MARCHF1: variants seen among roughly 807,000 people sequenced by gnomAD.
MARCHF1 encodes the protein membrane associated ring-CH-type finger 1.
A neutral mutation model predicts 54.2 loss-of-function variants in MARCHF1; 40 were observed. The ratio of observed to expected loss-of-function variants is 0.74; its 90% CI spans 0.57 to 0.96. MARCHF1 has a LOEUF of 0.96. Among genes scored for constraint, MARCHF1 ranks in the 40% least tolerant of loss-of-function variants. The pLI, the probability that MARCHF1 is intolerant of heterozygous loss-of-function variation, is 0.00. For synonymous variants in MARCHF1, 236 were observed against 236.3 expected, an observed-to-expected ratio of 1.00 and a Z score of 0.01; for missense variants, 586 against 656.5, an observed-to-expected ratio of 0.89 and a Z score of 1.17.
At chr4:164,340,403 A>ATT (rs796592783) in intron 1 of MARCHF1, among the ~76,000 whole-genome samples, 1,794 of 103,622 alleles carry the variant, frequency 0.017, 143 homozygotes, top group African/African-American at 0.047. Flanking sequence ...CCAGGCCTTG[A>ATT]TTTATATATA....
At chr4:163,773,428 T>C (rs903423740) in intron 4 of MARCHF1, among the ~76,000 whole-genome samples, 1 of 152,214 alleles carries the variant, frequency 6.6e-6, no homozygotes, top group African/African-American at 2.4e-5. Flanking sequence ...AATAGATGGA[T>C]GATACCACTG....
intron 1 of MARCHF1, among the ~76,000 whole-genome samples, chr4:164,322,337 T>C (rs1372845910): frequency 2.0e-5 from 3 of 151,850 alleles, no homozygotes; most frequent in Non-Finnish European, 2.9e-5. Flanking sequence ...AGAAAGACAA[T>C]ATATACTAAT....
intron 1 of MARCHF1, among the ~76,000 whole-genome samples, chr4:164,181,351 T>C (rs1249585678): frequency 6.6e-6 from 1 of 152,124 alleles, no homozygotes; most frequent in East Asian, 1.9e-4. Context: ...ACACACACAA[T>C]CATATATATG....
chr4:164,247,837 A>G (rs1489645343), intron 1 of MARCHF1, among the ~76,000 whole-genome samples: 1 of 148,776 alleles, frequency 6.7e-6, no homozygotes, highest in Non-Finnish European at 1.5e-5. Flanking sequence ...GAAAGGAGGT[A>G]TTTGTATCTA....
chr4:163,536,243 A>G (rs1472836475), intron 9 of MARCHF1, among the ~76,000 whole-genome samples: 1 of 152,116 alleles, frequency 6.6e-6, no homozygotes, highest in Non-Finnish European at 1.5e-5. Context: ...TTTATTTCCC[A>G]TTTTTAGGGA....
At chr4:164,184,458 A>G (rs1160302282) in intron 1 of MARCHF1, among the ~76,000 whole-genome samples, 1 of 152,218 alleles carries the variant, frequency 6.6e-6, no homozygotes, top group Admixed American at 6.5e-5. Flanking sequence ...AAAGAGTTAC[A>G]TGTCCATTGT....
intron 1 of MARCHF1, among the ~76,000 whole-genome samples, chr4:164,213,378 T>C (rs1731835902): frequency 6.6e-6 from 1 of 151,668 alleles, no homozygotes; most frequent in South Asian, 2.1e-4. Flanking sequence ...GGACTACAGG[T>C]GCCTGCCACC....
chr4:164,372,424 T>C (rs1731061351), intron 1 of MARCHF1, among the ~76,000 whole-genome samples: 1 of 152,176 alleles, frequency 6.6e-6, no homozygotes, highest in Non-Finnish European at 1.5e-5. Context: ...CTAATATATA[T>C]TAGCATAAAT....
intron 1 of MARCHF1, among the ~76,000 whole-genome samples, chr4:164,306,793 A>G (rs1391482508): frequency 6.6e-6 from 1 of 152,212 alleles, no homozygotes; most frequent in Non-Finnish European, 1.5e-5. Flanking sequence ...TAATTAATAA[A>G]TCAAAAAGAC....
At chr4:163,609,687 TA>T (rs148450461) in intron 7 of MARCHF1, among the ~76,000 whole-genome samples, 2,625 of 151,336 alleles carry the variant, frequency 0.017, 72 homozygotes, top group African/African-American at 0.06. Flanking sequence ...CATATATATA[TA>T]TTTTTTTGCC....
chr4:164,051,598 G>A (rs912557645), intron 2 of MARCHF1, among the ~76,000 whole-genome samples: 1 of 152,088 alleles, frequency 6.6e-6, no homozygotes, highest in African/African-American at 2.4e-5. Context: ...TGATGAGATA[G>A]GTATTAATAT....
chr4:164,085,707 T>G (rs183900601), intron 2 of MARCHF1, among the ~76,000 whole-genome samples: 1 of 151,858 alleles, frequency 6.6e-6, no homozygotes, highest in African/African-American at 2.4e-5. Flanking sequence ...CTTAAGTACT[T>G]AAAGAGAAGT....
intron 2 of MARCHF1, among the ~76,000 whole-genome samples, chr4:164,077,156 A>G (rs575906916): frequency 3.9e-5 from 6 of 152,348 alleles, no homozygotes; most frequent in Non-Finnish European, 7.4e-5. Flanking sequence ...TAACCCAAAC[A>G]ACATGGCACT....
chr4:163,680,876 C>T (rs1211215372), intron 5 of MARCHF1, among the ~76,000 whole-genome samples: 3 of 151,942 alleles, frequency 2.0e-5, no homozygotes, highest in Admixed American at 1.3e-4. Flanking sequence ...TTGAATGACT[C>T]ATTACACTGT....
At position 164,117,631 on chromosome 4, in the gene MARCHF1, G is replaced by A. The variant is rs370714818; in HGVS notation, c.-322-5969C>T. Among the ~76,000 whole-genome samples the A allele has an allele frequency of 6.0e-4, 91 of 152,160 alleles. 2 individuals carry two copies. In the South Asian group the frequency reaches 0.018, roughly 30 times the overall value. On this transcript the variant is annotated intron_variant, in intron 1 of 9. Transcript: ENST00000514618. ...AATCAACACTGAAGCTGGGCACGGT[G>A]GCTCACATCTGTAATCCCAGCACTT...
In MARCHF1 at chr4:163,585,898, G is replaced by A; in HGVS notation, c.1042C>T (p.Pro348Ser). ...GTGCAGCGACAGGGTGTGATGAGGG[G>A]GCTCTCTTCATCCCCTTCGCAGTGA... Reference protein sequence around the residue: ...ICHCEGDEESPLITPCRCTGT... With the variant: ...ICHCEGDEESSLITPCRCTGT... The change falls in exon 8 of 10, where the codon CCC becomes TCC. Residue 348 changes from proline (P) to serine (S), a missense_variant. Coordinates refer to ENST00000514618, the MANE Select transcript of MARCHF1 (RefSeq NM_001394959.1). The A allele has an allele frequency of 6.2e-7, 1 of 1,612,514 alleles. No individual in the cohort carries two copies. Among genetic ancestry groups the A allele is most frequent in the Non-Finnish European group, 8.5e-7 (1 of 1,179,442 alleles).
Position 163,528,044 on chromosome 4 carries a change from A to G in MARCHF1, c.*704T>C, listed in dbSNP as rs1052410276. On this transcript the variant is annotated 3_prime_UTR_variant, in exon 10 of 10. Coordinates refer to ENST00000514618, the MANE Select transcript of MARCHF1 (RefSeq NM_001394959.1). ...GATGAAAATAAATATAAGACCTGAT[A>G]ACAGTTCTGTGGGTATTTAACAGAG... 6.6e-6 allele frequency: 1 copy of G among 152,454 alleles called. No individual in the cohort carries two copies. The highest frequency in any genetic ancestry group is 1.5e-5 in the Non-Finnish European group (1 of 67,996). 9.4% of individuals were successfully genotyped at this position (152,454 alleles called of 1,614,324 possible).
chr4:163,737,943 T>A, intron 4 of MARCHF1, among the ~76,000 whole-genome samples: 1 of 150,766 alleles, frequency 6.6e-6, no homozygotes, highest in Admixed American at 6.6e-5. Flanking sequence ...CATGCTGCTC[T>A]AAAGACACAT....
At chr4:163,947,792 G>A (rs887602486) in intron 3 of MARCHF1, among the ~76,000 whole-genome samples, 3 of 152,158 alleles carry the variant, frequency 2.0e-5, no homozygotes, top group Non-Finnish European at 2.9e-5. Context: ...TTGAGGTAAC[G>A]TAGCTTCCTC....
Sources: gnomAD v4.1 joint callset for allele counts (sites outside exome capture counted in the v4.1 genomes callset) on GRCh38, gnomAD v4.1.1 for gene constraint, MANE v1.5 for transcripts, NCBI Gene and HGNC (gene_info 2026-07-23, HGNC 2026-07-21) for gene names.